PCDHGA11: variants seen among roughly 807,000 people sequenced by gnomAD.
PCDHGA11 encodes the protein protocadherin gamma subfamily A, 11.
In PCDHGA11, 39 loss-of-function variants were observed where a neutral mutation model predicts 60.4. The ratio of observed to expected loss-of-function variants is 0.65; its 90% CI spans 0.50 to 0.84. The LOEUF (loss-of-function observed/expected upper bound fraction) is 0.84. Among genes scored for constraint, PCDHGA11 ranks in the 40% least tolerant of loss-of-function variants. The probability of loss-of-function intolerance (pLI) is 0.00; values close to 1 mark genes in which losing one functional copy is unlikely to be tolerated. For missense variants in PCDHGA11, 1,165 were observed against 1,197.7 expected (o/e 0.97, Z 0.40); for synonymous variants, 533 against 510.3 (o/e 1.04, Z -0.60).
chr5:141,458,513 GT>G (rs537551567), intron 1 of PCDHGA11, among the ~76,000 whole-genome samples: 34 of 146,056 alleles, frequency 2.3e-4, no homozygotes, highest in South Asian at 6.5e-4. Flanking sequence ...TTGACACTTT[GT>G]TTTTTTTTTT....
intron 1 of PCDHGA11, among the ~76,000 whole-genome samples, chr5:141,461,985 G>C (rs894777268): frequency 2.6e-5 from 4 of 152,170 alleles, no homozygotes; most frequent in Non-Finnish European, 5.9e-5. Flanking sequence ...CACCACGCCA[G>C]GCTAATTTTG....
intron 1 of PCDHGA11, among the ~76,000 whole-genome samples, chr5:141,446,961 GA>G (rs1466390366): frequency 2.0e-5 from 3 of 152,070 alleles, no homozygotes; most frequent in Admixed American, 1.3e-4. Context: ...AGCACCCAGG[GA>G]AATTTGCTGT....
chr5:141,499,763 T>C (rs2099794343), intron 2 of PCDHGA11, among the ~76,000 whole-genome samples: 1 of 148,434 alleles, frequency 6.7e-6, no homozygotes, highest in African/African-American at 2.5e-5. Flanking sequence ...CTCAGCTCAC[T>C]GCAGCCTTCG....
intron 2 of PCDHGA11, among the ~76,000 whole-genome samples, chr5:141,500,739 C>T (rs1199462920): frequency 6.6e-6 from 1 of 152,114 alleles, no homozygotes; most frequent in Non-Finnish European, 1.5e-5. Context: ...CAAAATTCTT[C>T]CCAAGTCATT....
At chr5:141,506,829 T>C (rs1449718553) in intron 3 of PCDHGA11, among the ~76,000 whole-genome samples, 1 of 152,182 alleles carries the variant, frequency 6.6e-6, no homozygotes, top group African/African-American at 2.4e-5. Context: ...CATGAACTGA[T>C]AGCCCTGCCC....
At position 141,486,460 on chromosome 5, in the gene PCDHGA11, T is replaced by A. The variant is rs1218788640; in HGVS notation, c.2434-8347T>A. 6.2e-7 allele frequency: 1 copy of A among 1,614,146 alleles called. No individual in the cohort carries two copies. Among genetic ancestry groups the A allele is most frequent in the South Asian group, 1.1e-5 (1 of 91,082 alleles). On this transcript the variant is annotated intron_variant, in intron 1 of 3. Coordinates refer to ENST00000398587, the MANE Select transcript of PCDHGA11 (RefSeq NM_018914.3). The surrounding 1 kb of genome is among the most constrained non-coding windows in gnomAD (Gnocchi z 5.0). Reference sequence around the variant, plus strand: ...ATGACATCATGGTCACTGCTTCTGATGCTGGGAACCCTCCTCTCAGTACCC... The same window carrying A: ...ATGACATCATGGTCACTGCTTCTGAAGCTGGGAACCCTCCTCTCAGTACCC...
At chr5:141,478,019 C>T in intron 1 of PCDHGA11, 1 of 1,614,136 alleles carries the variant, frequency 6.2e-7, no homozygotes, top group Non-Finnish European at 8.5e-7. Flanking sequence ...CCGTCCAGTC[C>T]AAGACACAGA....
chr5:141,427,921 G>A (rs2097089596), intron 1 of PCDHGA11: 3 of 1,580,128 alleles, frequency 1.9e-6, no homozygotes, highest in African/African-American at 1.3e-5. Flanking sequence ...AACATGAGCC[G>A]GCGCATGTTG....
chr5:141,424,504 G>A (rs1357608806), intron 1 of PCDHGA11: 2 of 152,134 alleles, frequency 1.3e-5, no homozygotes, highest in East Asian at 1.9e-4. Flanking sequence ...TGTATGGAAG[G>A]TTTTTTAATG....
In PCDHGA11 at chr5:141,421,238, G is replaced by A. The variant is rs920128735; in HGVS notation, c.11G>A (p.Arg4Gln). The A allele has an allele frequency of 6.3e-7, 1 of 1,597,540 alleles. No individual in the cohort carries two copies. The highest frequency in any genetic ancestry group is 1.3e-5 in the African/African-American group (1 of 74,500). Residue 4 changes from arginine (R) to glutamine (Q), a missense_variant, in exon 1 of 4, where the codon CGG (arginine) becomes CAG (glutamine). Physicochemically the swap from Arg to Gln is conservative, Grantham distance 43. Coordinates refer to ENST00000398587, the MANE Select transcript of PCDHGA11 (RefSeq NM_018914.3). MANRLQRGDRSRLL... is the reference protein window; with the variant it reads MANQLQRGDRSRLL... ...GGCTTAGAGCCTGCCATGGCGAATC[G>A]GCTACAGCGCGGGGACCGCAGTCGG...
rs762408704 is a variant in PCDHGA11 at position 141,486,335 on chromosome 5, C to G, written c.2434-8472C>G. 6.2e-7 allele frequency: 1 copy of G among 1,613,936 alleles called. No individual in the cohort carries two copies. The highest frequency in any genetic ancestry group is 8.5e-7 in the Non-Finnish European group (1 of 1,180,002). ...AGGGTCAAACGGAGATGTGAGCCTC[C>G]GCATTCCTGACCACTTGCCATTTGC... On this transcript the variant is annotated intron_variant, in intron 1 of 3. Transcript: ENST00000398587. This position sits in a 1 kb window ranked among gnomAD's most constrained non-coding sequence, Gnocchi z 5.0.
In PCDHGA11 at chr5:141,487,414, T is replaced by C; in HGVS notation, c.2434-7393T>C. On this transcript the variant is annotated intron_variant, in intron 1 of 3. Coordinates refer to ENST00000398587, the MANE Select transcript of PCDHGA11 (RefSeq NM_018914.3). This position sits in a 1 kb window ranked among gnomAD's most constrained non-coding sequence, Gnocchi z 5.0. The stretch of plus-strand genomic sequence containing the variant: ...GGAGGGAGGGGCTTCCCCCTTCCAA[T>C]GGGATCCTCCGAATCCAGCTAGGGT... 3.7e-6 allele frequency: 6 copies of C among 1,614,174 alleles called. No individual in the cohort carries two copies. The highest frequency in any genetic ancestry group is 5.1e-6 in the Non-Finnish European group (6 of 1,180,006).
At position 141,482,089 on chromosome 5, in the gene PCDHGA11, CAAA is replaced by C. The variant is rs36035257; in HGVS notation, c.2434-12704_2434-12702del. 2.7e-4 allele frequency among the ~76,000 whole-genome samples: 36 copies of C among 134,496 alleles called. No individual in the cohort carries two copies. The East Asian group carries it at 3.5e-3, about 13-fold the overall frequency. The allele number at this position is 134,496 out of a possible 152,430, so 88.2% of individuals were successfully genotyped here. On this transcript the variant is annotated intron_variant, in intron 1 of 3. Coordinates refer to ENST00000398587, the MANE Select transcript of PCDHGA11 (RefSeq NM_018914.3). ...AACAAGAACAAAACTCACTCCATCTCAAAAAAAAAAAAAAAATATCTAGAGATG... is the reference window on the plus strand; with the variant it reads ...AACAAGAACAAAACTCACTCCATCTCAAAAAAAAAAAAATATCTAGAGATG...
chr5:141,494,678 G>A, intron 1 of PCDHGA11, 129 bp from the exon 2 acceptor site: 1 of 1,554,384 alleles, frequency 6.4e-7, no homozygotes, highest in Non-Finnish European at 8.7e-7. Flanking sequence ...GTCCACCCCT[G>A]CCCCCTCTTA....
chr5:141,461,595 A>C (rs2099018386), intron 1 of PCDHGA11, among the ~76,000 whole-genome samples: 1 of 152,144 alleles, frequency 6.6e-6, no homozygotes, highest in East Asian at 1.9e-4. Flanking sequence ...TATTTCCATT[A>C]TAATTTAGTT....
rs1293301567 is a variant in PCDHGA11, at chr5:141,423,300, G to A, written c.2073G>A (p.Ser691=). The A allele has an allele frequency of 2.5e-6, 4 of 1,614,028 alleles. No individual in the cohort carries two copies. Among genetic ancestry groups the A allele is most frequent in the African/African-American group, 1.3e-5 (1 of 74,950 alleles). ...SLANSETSDL[S]LYLVVAVAAV... ...CTAACTCTGAAACCTCAGACCTCTCGCTGTACTTGGTGGTGGCGGTGGCCG... is the reference window on the plus strand; with the variant it reads ...CTAACTCTGAAACCTCAGACCTCTCACTGTACTTGGTGGTGGCGGTGGCCG... The change falls in exon 1 of 4, where the codon TCG becomes TCA. Residue 691 remains serine, a synonymous_variant. Coordinates refer to ENST00000398587, the MANE Select transcript of PCDHGA11 (RefSeq NM_018914.3).
intron 1 of PCDHGA11, chr5:141,426,793 A>G: frequency 2.2e-6 from 1 of 456,734 alleles, no homozygotes; most frequent in South Asian, 1.5e-5. Context: ...CAGAGTTACC[A>G]GCTCAGTTCT....
chr5:141,481,729 G>A (rs757464454), intron 1 of PCDHGA11, among the ~76,000 whole-genome samples: 6 of 151,966 alleles, frequency 3.9e-5, no homozygotes, highest in Admixed American at 1.3e-4. Flanking sequence ...GGAGGCGGGC[G>A]GATCACGAGG....
Position 141,490,503 on chromosome 5 carries a change from C to A in PCDHGA11, c.2434-4304C>A, listed in dbSNP as rs2099701103. On this transcript the variant is annotated intron_variant, in intron 1 of 3. Coordinates refer to ENST00000398587, the MANE Select transcript of PCDHGA11 (RefSeq NM_018914.3). The surrounding 1 kb of genome is among the most constrained non-coding windows in gnomAD (Gnocchi z 5.4). ...ACCGGGAGGCCACATCCCACTATAT[C>A]ATCGAGCTGCTGGCCAGCGATGCTG... 3.7e-6 allele frequency: 6 copies of A among 1,614,206 alleles called. No individual in the cohort carries two copies. In the African/African-American group the frequency reaches 8.0e-5, roughly 22 times the overall value.
Sources: allele counts gnomAD v4.1 joint callset (sites outside exome capture counted in the v4.1 genomes callset), GRCh38; gene constraint gnomAD v4.1.1; non-coding constraint Gnocchi (gnomAD v3.1); transcripts MANE v1.5; gene names NCBI Gene and HGNC (gene_info 2026-07-23, HGNC 2026-07-21).